Variants in GRIN2A observed in about 807,000 individuals in gnomAD.
GRIN2A encodes glutamate receptor ionotropic, NMDA 2A.
In GRIN2A, 22 loss-of-function variants were observed where a neutral mutation model predicts 113.4. The observed-to-expected ratio is 0.19, with a 90% CI of 0.14 to 0.28. The LOEUF is 0.28. Among genes scored for constraint, GRIN2A ranks in the 10% least tolerant of loss-of-function variants. The pLI is 1.00. For missense variants in GRIN2A, 1,502 were observed against 1,887.0 expected (o/e 0.80, Z 3.78); for synonymous variants, 827 against 738.4 (o/e 1.12, Z -1.94).
At chr16:10,111,826 A>G (rs2048620625) in intron 2 of GRIN2A, 1 of 1,256,486 alleles carries the variant, frequency 8.0e-7, no homozygotes, top group South Asian at 1.2e-5. Context: ...TGAGATGGGC[A>G]CCATGGGGAG....
chr16:10,031,836 A>G (rs1363005425), intron 2 of GRIN2A, among the ~76,000 whole-genome samples: 1 of 152,200 alleles, frequency 6.6e-6, no homozygotes, highest in Non-Finnish European at 1.5e-5. Context: ...CTTACCCTCC[A>G]AGCACCAGGG....
chr16:10,037,876 C>T (rs768489517), intron 2 of GRIN2A, among the ~76,000 whole-genome samples: 33 of 152,122 alleles, frequency 2.2e-4, no homozygotes, highest in Non-Finnish European at 3.7e-4. Context: ...GTCTCAGCCT[C>T]CCAAATTGTT....
At chr16:9,816,879 C>T (rs1198044419) in intron 10 of GRIN2A, among the ~76,000 whole-genome samples, 1 of 152,156 alleles carries the variant, frequency 6.6e-6, no homozygotes, top group Non-Finnish European at 1.5e-5. Context: ...TCAGGCTATG[C>T]TTGAGAAGCA....
At chr16:9,789,605 T>C (rs1760206095) in intron 11 of GRIN2A, among the ~76,000 whole-genome samples, 1 of 150,950 alleles carries the variant, frequency 6.6e-6, no homozygotes, top group African/African-American at 2.4e-5. Context: ...CATAAATAAA[T>C]TAAGGAGGAC....
intron 2 of GRIN2A, among the ~76,000 whole-genome samples, chr16:10,011,341 G>A (rs1221632398): frequency 6.6e-6 from 1 of 152,192 alleles, no homozygotes; most frequent in Non-Finnish European, 1.5e-5. Flanking sequence ...GGGATTGCCT[G>A]AGTTGTGACT....
intron 2 of GRIN2A, among the ~76,000 whole-genome samples, chr16:10,030,751 A>C (rs2046913286): frequency 1.3e-5 from 2 of 152,166 alleles, no homozygotes; most frequent in Admixed American, 6.5e-5. Context: ...TTACATAGAA[A>C]CTTAAGTGCA....
chr16:9,965,248 C>T (rs982665349), intron 2 of GRIN2A, among the ~76,000 whole-genome samples: 1 of 152,210 alleles, frequency 6.6e-6, no homozygotes, highest in African/African-American at 2.4e-5. Flanking sequence ...AGAACAGATT[C>T]CTCTCCTAAC....
chr16:10,162,879 G>T (rs559896848), intron 2 of GRIN2A, among the ~76,000 whole-genome samples: 3 of 152,268 alleles, frequency 2.0e-5, no homozygotes, highest in Non-Finnish European at 4.4e-5. Flanking sequence ...ACCAGGACAG[G>T]GATGGAGGAT....
intron 2 of GRIN2A, among the ~76,000 whole-genome samples, chr16:9,975,589 G>A (rs1240671941): frequency 1.3e-5 from 2 of 152,144 alleles, no homozygotes; most frequent in Non-Finnish European, 2.9e-5. Context: ...AGCAGCAACA[G>A]AAAACTAACA....
intron 9 of GRIN2A, among the ~76,000 whole-genome samples, chr16:9,825,729 CAG>C (rs1161979224): frequency 6.6e-6 from 1 of 152,098 alleles, no homozygotes; most frequent in East Asian, 1.9e-4. Flanking sequence ...TGTCCTTGAG[CAG>C]AGAGAGGATC....
chr16:9,841,019 T>G lies in GRIN2A; in HGVS notation c.1414A>C (p.Lys472Gln), dbSNP rs1555494800. ...ACCAGATAGAGGTCGTAAGTAAACT[T>G]CACAGTTCTGGAAAGCTTCTTCAGA... is the stretch of plus-strand genomic sequence containing the variant. ...DILKKLSRTV[K>Q]FTYDLYLVTN... The change falls in exon 6 of 13, where the codon AAG becomes CAG. Residue 472 changes from lysine to glutamine, a missense_variant. By Grantham distance (53) the Lys-to-Gln change is moderately conservative. This residue lies in a region of GRIN2A where 82 missense variants were observed against 222.7 expected (regional missense o/e 0.37). Coordinates refer to ENST00000330684, the MANE Select transcript of GRIN2A (RefSeq NM_001134407.3). 1 of 1,613,448 alleles carries G rather than the reference T, an allele frequency of 6.2e-7. No homozygotes were observed. Among genetic ancestry groups the G allele is most frequent in the Non-Finnish European group, 8.5e-7 (1 of 1,179,502 alleles).
chr16:10,028,890 G>A (rs1297736252), intron 2 of GRIN2A, among the ~76,000 whole-genome samples: 1 of 152,054 alleles, frequency 6.6e-6, no homozygotes, highest in Non-Finnish European at 1.5e-5. Flanking sequence ...GGCCCAAATT[G>A]GGCTGGAGAA....
At chr16:9,771,994 A>G (rs1426042681) in intron 11 of GRIN2A, among the ~76,000 whole-genome samples, 2 of 152,166 alleles carry the variant, frequency 1.3e-5, no homozygotes, top group African/African-American at 4.8e-5. Context: ...AAGTTCTCAA[A>G]TGTATTAACC....
chr16:9,946,250 G>A (rs544921164), intron 2 of GRIN2A, among the ~76,000 whole-genome samples: 6 of 152,060 alleles, frequency 3.9e-5, no homozygotes, highest in Admixed American at 2.6e-4. Context: ...CTGACTCCAC[G>A]CTTCCAAACA....
intron 2 of GRIN2A, among the ~76,000 whole-genome samples, chr16:10,178,111 G>A (rs1021135788): frequency 6.6e-6 from 1 of 152,172 alleles, no homozygotes; most frequent in African/African-American, 2.4e-5. Flanking sequence ...AAAAACTCAA[G>A]AAGGAAGAAG....
At chr16:10,116,012 A>C (rs1463746720) in intron 2 of GRIN2A, among the ~76,000 whole-genome samples, 5 of 152,236 alleles carry the variant, frequency 3.3e-5, no homozygotes, top group Admixed American at 1.3e-4. Context: ...ATAAAGATAC[A>C]TGCACACGTA....
Position 9,798,282 on chromosome 16 carries a change from C to T in GRIN2A, c.2351G>A (p.Gly784Asp). Reference protein sequence around the residue: ...QIDLALLQFVGDGEMEELETL... With the variant: ...QIDLALLQFVDDGEMEELETL... ...GGGGTCACCCGGGGTCTTACCATCA[C>T]CCACAAACTGAAGCAAGGCCAGGTC... Residue 784 changes from glycine (G) to aspartate (D), a missense_variant, in exon 11 of 13, where the codon GGT becomes GAT. Transcript: ENST00000330684. 1 of 1,613,768 alleles carries T rather than the reference C, an allele frequency of 6.2e-7. No individual in the cohort carries two copies. The highest frequency in any genetic ancestry group is 8.5e-7 in the Non-Finnish European group (1 of 1,179,814).
intron 2 of GRIN2A, among the ~76,000 whole-genome samples, chr16:9,994,573 C>A (rs1418236399): frequency 1.3e-5 from 2 of 152,036 alleles, no homozygotes; most frequent in Non-Finnish European, 2.9e-5. Context: ...TTTCTAAATG[C>A]AGGAGCAAGA....
At chr16:9,789,809 G>A (rs1902491795) in intron 11 of GRIN2A, among the ~76,000 whole-genome samples, 1 of 152,200 alleles carries the variant, frequency 6.6e-6, no homozygotes, top group Non-Finnish European at 1.5e-5. Context: ...GTGAAGAACA[G>A]CAAAAGTCAA....
Sources: gnomAD v4.1 joint callset for allele counts (sites outside exome capture counted in the v4.1 genomes callset) on GRCh38, gnomAD v4.1.1 for gene constraint, gnomAD v4.1.1 regional missense constraint, MANE v1.5 for transcripts, NCBI Gene and HGNC (gene_info 2026-07-23, HGNC 2026-07-21) for gene names.